Variants in RGS21 observed in about 807,000 individuals in gnomAD.
RGS21 encodes regulator of G protein signaling 21.
Under a neutral mutation model 18.7 loss-of-function variants are expected in RGS21, and 19 were observed. The ratio of observed to expected loss-of-function variants is 1.01; its 90% CI spans 0.71 to 1.49. The LOEUF is 1.49. RGS21 is among the 40% of genes most tolerant of loss of function. The probability of loss-of-function intolerance (pLI) is 0.00; values close to 1 mark genes in which losing one functional copy is unlikely to be tolerated. For missense variants in RGS21, 194 were observed against 176.8 expected (o/e 1.10, Z -0.55); for synonymous variants, 56 against 57.8 (o/e 0.97, Z 0.14).
chr1:192,318,791 C>G (rs565152777), intron 1 of RGS21, among the ~76,000 whole-genome samples: 2 of 152,164 alleles, frequency 1.3e-5, no homozygotes, highest in East Asian at 1.9e-4. Context: ...CTTCCAAGAA[C>G]TATTGCTGAT....
chr1:192,352,065 G>T lies in RGS21; in HGVS notation c.107G>T (p.Arg36Leu). The change falls in exon 4 of 5, where the codon CGA becomes CTA. Residue 36 changes from arginine (R) to leucine (L), a missense_variant. Coordinates refer to ENST00000417209, the MANE Select transcript of RGS21 (RefSeq NM_001039152.3). ...LANQAGLDAF[R>L]IFLKSEFSEE... ...TTTATAGCTGGTCTAGATGCTTTTC[G>T]AATATTTCTAAAATCAGAGTTTAGT... 6.3e-7 allele frequency: 1 copy of T among 1,596,334 alleles called. No individual in the cohort carries two copies. Among genetic ancestry groups the T allele is most frequent in the Non-Finnish European group, 8.5e-7 (1 of 1,172,882 alleles).
chr1:192,343,666 A>G (rs1261757549), intron 2 of RGS21, among the ~76,000 whole-genome samples: 2 of 152,142 alleles, frequency 1.3e-5, no homozygotes, highest in Admixed American at 6.6e-5. Flanking sequence ...TGAAGAAAAT[A>G]GAAAGGAAAT....
chr1:192,365,724 C>T (rs960792130), intron 4 of RGS21, among the ~76,000 whole-genome samples, 197 bp from the exon 5 acceptor site: 7 of 152,056 alleles, frequency 4.6e-5, no homozygotes, highest in African/African-American at 1.4e-4. Flanking sequence ...CCTGTCAATG[C>T]TACCCCTCTC....
chr1:192,322,180 T>A (rs1294613017), intron 1 of RGS21, among the ~76,000 whole-genome samples: 1 of 151,586 alleles, frequency 6.6e-6, no homozygotes, highest in Non-Finnish European at 1.5e-5. Flanking sequence ...CTCAGTTCCT[T>A]TAGAACCTGA....
At chr1:192,358,521 T>G (rs989154746) in intron 4 of RGS21, among the ~76,000 whole-genome samples, 1 of 152,042 alleles carries the variant, frequency 6.6e-6, no homozygotes, top group Non-Finnish European at 1.5e-5. Context: ...TTAATTTGAA[T>G]AGTAATTTTT....
At chr1:192,320,128 G>A (rs1358234709) in intron 1 of RGS21, among the ~76,000 whole-genome samples, 1 of 152,062 alleles carries the variant, frequency 6.6e-6, no homozygotes, top group Non-Finnish European at 1.5e-5. Context: ...ACACACTGGG[G>A]CTTTCAGAGA....
intron 1 of RGS21, among the ~76,000 whole-genome samples, 199 bp downstream of exon 1, chr1:192,317,304 C>G (rs1308854086): frequency 6.6e-6 from 1 of 151,572 alleles, no homozygotes; most frequent in South Asian, 2.1e-4. Context: ...CACAGATTGT[C>G]AAAGAACTGA....
chr1:192,342,021 T>C (rs1020718673), intron 1 of RGS21, among the ~76,000 whole-genome samples: 3 of 152,072 alleles, frequency 2.0e-5, no homozygotes, highest in African/African-American at 7.2e-5. Flanking sequence ...AGGTCATTTC[T>C]TCTACTTCTC....
intron 1 of RGS21, among the ~76,000 whole-genome samples, chr1:192,340,250 T>C (rs1188743400): frequency 6.6e-6 from 1 of 152,146 alleles, no homozygotes; most frequent in Non-Finnish European, 1.5e-5. Context: ...TCACCATGTT[T>C]CTGTGAATGT....
chr1:192,342,409 A>G (rs774675276), intron 1 of RGS21, among the ~76,000 whole-genome samples: 7 of 152,064 alleles, frequency 4.6e-5, no homozygotes, highest in Non-Finnish European at 1.0e-4. Context: ...TCCATGGTTA[A>G]AAGAGAGAAA....
chr1:192,366,137 T>TTAAC lies in RGS21; in HGVS notation c.*17_*20dup, dbSNP rs1557983941. ...CCCTTTTTTGTGAGGAAGGTAAAAG[T>TTAAC]TAACTAATCACTATACTTCAGGGCT... On this transcript the variant is annotated 3_prime_UTR_variant, in exon 5 of 5. Transcript: ENST00000417209. 3.0e-6 allele frequency: 4 copies of TTAAC among 1,314,920 alleles called. No homozygotes were observed. The highest frequency in any genetic ancestry group is 1.2e-5 in the South Asian group (1 of 83,248). The allele number at this position is 1,314,920 out of a possible 1,614,324, so 81.5% of individuals were successfully genotyped here. A position where few individuals can be genotyped will look rare whatever the true frequency, so the allele number is the denominator to read the frequency against.
At chr1:192,329,061 G>A (rs1460286863) in intron 1 of RGS21, among the ~76,000 whole-genome samples, 1 of 151,754 alleles carries the variant, frequency 6.6e-6, no homozygotes, top group Non-Finnish European at 1.5e-5. Context: ...AGACAATCAG[G>A]GAAGTTAATA....
chr1:192,359,636 T>A lies in RGS21; in HGVS notation c.256-6285T>A, dbSNP rs535310687. On this transcript the variant is annotated intron_variant, in intron 4 of 4. Transcript: ENST00000417209. ...ATGTATCTATGTGTATGTATATATA[T>A]GTTTATATGTGTGTGTGTGTATATA... is the stretch of plus-strand genomic sequence containing the variant. Among the ~76,000 whole-genome samples the A allele has an allele frequency of 1.3e-3, 182 of 138,506 alleles. 1 individual carries two copies. The highest frequency in any genetic ancestry group is 4.9e-3 in the African/African-American group (177 of 35,850). The allele number at this position is 138,506 out of a possible 152,430, so 90.9% of individuals were successfully genotyped here. A position where few individuals can be genotyped will look rare whatever the true frequency, so the allele number is the denominator to read the frequency against.
chr1:192,336,816 G>A lies in RGS21; in HGVS notation c.-60-6161G>A, dbSNP rs1200283293. 2.6e-5 allele frequency among the ~76,000 whole-genome samples: 4 copies of A among 152,036 alleles called. No individual in the cohort carries two copies. The East Asian group carries it at 5.8e-4, about 22-fold the overall frequency. ...ATGAAAGCAAACTGACCATGCCGGGGGAGATACCTGGTCATGAAGAAAATA... is the reference window on the plus strand; with the variant it reads ...ATGAAAGCAAACTGACCATGCCGGGAGAGATACCTGGTCATGAAGAAAATA... On this transcript the variant is annotated intron_variant, in intron 1 of 4. Coordinates refer to ENST00000417209, the MANE Select transcript of RGS21 (RefSeq NM_001039152.3).
chr1:192,357,426 G>A (rs1028944504), intron 4 of RGS21, among the ~76,000 whole-genome samples: 10 of 151,924 alleles, frequency 6.6e-5, no homozygotes, highest in African/African-American at 2.4e-4. Context: ...GACACAGAAA[G>A]AGGGAGGGAG....
chr1:192,364,416 GAAT>G (rs1440903069), intron 4 of RGS21, among the ~76,000 whole-genome samples: 1 of 152,020 alleles, frequency 6.6e-6, no homozygotes, highest in Admixed American at 6.6e-5. Flanking sequence ...TTTCTTCCTA[GAAT>G]AATAATATTA....
intron 1 of RGS21, among the ~76,000 whole-genome samples, chr1:192,335,771 G>A (rs901712874): frequency 6.6e-6 from 1 of 152,082 alleles, no homozygotes; most frequent in African/African-American, 2.4e-5. Context: ...ACAAAAACTG[G>A]GTAGAGAATT....
intron 1 of RGS21, among the ~76,000 whole-genome samples, chr1:192,319,587 T>C (rs1433563334): frequency 6.6e-6 from 1 of 152,022 alleles, no homozygotes; most frequent in Non-Finnish European, 1.5e-5. Flanking sequence ...GAGACACTGG[T>C]TAATTAAAAA....
At chr1:192,333,860 T>C (rs530165468) in intron 1 of RGS21, among the ~76,000 whole-genome samples, 33 of 152,244 alleles carry the variant, frequency 2.2e-4, no homozygotes, top group African/African-American at 7.7e-4. Flanking sequence ...ACTATAATTA[T>C]ATAAGATGCA....
Sources: allele counts gnomAD v4.1 joint callset (sites outside exome capture counted in the v4.1 genomes callset), GRCh38; gene constraint gnomAD v4.1.1; transcripts MANE v1.5; gene names NCBI Gene and HGNC (gene_info 2026-07-23, HGNC 2026-07-21).